Variants in SNX31 observed in about 807,000 individuals in gnomAD.
SNX31 encodes sorting nexin 31, also known as sorting nexin-31.
A neutral mutation model predicts 65.4 loss-of-function variants in SNX31; 58 were observed. The ratio of observed to expected loss-of-function variants is 0.89; its 90% CI spans 0.72 to 1.10. The LOEUF (loss-of-function observed/expected upper bound fraction) is 1.10. SNX31 is among the 50% of genes least tolerant of loss of function. The probability of loss-of-function intolerance (pLI) is 0.00; values close to 1 mark genes in which losing one functional copy is unlikely to be tolerated. For synonymous variants in SNX31, 181 were observed against 190.1 expected, an observed-to-expected ratio of 0.95 and a Z score of 0.39; for missense variants, 523 against 529.7, an observed-to-expected ratio of 0.99 and a Z score of 0.12.
At position 100,633,200 on chromosome 8, in the gene SNX31, A is replaced by T. The variant is rs138866745; in HGVS notation, c.256+2697T>A. Among the ~76,000 whole-genome samples, 999 of 151,928 alleles carry T rather than the reference A, an allele frequency of 6.6e-3. 8 individuals carry two copies. The highest frequency in any genetic ancestry group is 8.9e-3 in the Non-Finnish European group (607 of 67,944). On this transcript the variant is annotated intron_variant, in intron 3 of 13. Transcript: ENST00000311812. ...TGCCTTAACCTCCCAAAGTGCTGGA[A>T]TTGCAGGCATGAGCTACCATGCCGA...
chr8:100,590,698 C>T (rs1814491461), intron 10 of SNX31, among the ~76,000 whole-genome samples: 1 of 152,278 alleles, frequency 6.6e-6, no homozygotes, highest in South Asian at 2.1e-4. Context: ...AGGATAATCA[C>T]TTGATCCTGG....
intron 2 of SNX31, among the ~76,000 whole-genome samples, chr8:100,641,998 G>A (rs1040371540): frequency 6.6e-6 from 1 of 152,026 alleles, no homozygotes; most frequent in African/African-American, 2.4e-5. Flanking sequence ...AGAATGGCGC[G>A]AACCCGGGAG....
intron 11 of SNX31, among the ~76,000 whole-genome samples, chr8:100,587,824 T>C (rs1462744808): frequency 6.6e-6 from 1 of 152,248 alleles, no homozygotes; most frequent in Non-Finnish European, 1.5e-5. Context: ...ATCCTCAAGA[T>C]ATCTCATTAT....
In SNX31 at chr8:100,614,178, C is replaced by T. The variant is rs1268746320; in HGVS notation, c.433-1093G>A. ...GCAATTCCCTTCCCCTTCTTTCTGT[C>T]TCTCTCTTTCCCCCATGTTTTGGGC... is the stretch of plus-strand genomic sequence containing the variant. On this transcript the variant is annotated intron_variant, in intron 5 of 13. Coordinates refer to ENST00000311812, the MANE Select transcript of SNX31 (RefSeq NM_152628.4). The surrounding 1 kb of genome is among the most constrained non-coding windows in gnomAD (Gnocchi z 5.1). Among the ~76,000 whole-genome samples the T allele has an allele frequency of 6.6e-6, 1 of 152,198 alleles. No homozygotes were observed. Among genetic ancestry groups the T allele is most frequent in the African/African-American group, 2.4e-5 (1 of 41,444 alleles).
chr8:100,615,404 G>A (rs995864726), intron 5 of SNX31, among the ~76,000 whole-genome samples: 3 of 152,092 alleles, frequency 2.0e-5, no homozygotes, highest in Non-Finnish European at 2.9e-5. Context: ...CCATTGTCTC[G>A]GGAACGTGAA....
At position 100,595,315 on chromosome 8, in the gene SNX31, T is replaced by G. The variant is rs866923898; in HGVS notation, c.978+1324A>C. ...GTGCGGAGATAGAGGGAATTTGTTG[T>G]TTTTTTTTTTTTTTCAGATGGGTCT... On this transcript the variant is annotated intron_variant, in intron 10 of 13. Coordinates refer to ENST00000311812, the MANE Select transcript of SNX31 (RefSeq NM_152628.4). Among the ~76,000 whole-genome samples the G allele has an allele frequency of 5.8e-3, 732 of 126,408 alleles. 3 individuals carry two copies. The highest frequency in any genetic ancestry group is 7.2e-3 in the Non-Finnish European group (453 of 62,914). The allele number at this position is 126,408 out of a possible 152,430, so 82.9% of individuals were successfully genotyped here.
chr8:100,577,145 A>C, intron 12 of SNX31, 70 bp from the exon 13 acceptor site: 2 of 1,317,184 alleles, frequency 1.5e-6, no homozygotes, highest in Non-Finnish European at 2.2e-6. Context: ...CTATTTAACT[A>C]GCACACTTTC....
At chr8:100,659,083 T>C (rs561486988) in intron 1 of SNX31, among the ~76,000 whole-genome samples, 5 of 152,150 alleles carry the variant, frequency 3.3e-5, no homozygotes, top group Non-Finnish European at 7.4e-5. Flanking sequence ...CAGGGGCTCA[T>C]GCCTGTAATA....
intron 4 of SNX31, among the ~76,000 whole-genome samples, chr8:100,627,601 G>C (rs766378009): frequency 4.6e-5 from 7 of 152,150 alleles, no homozygotes; most frequent in Non-Finnish European, 1.0e-4. Flanking sequence ...GATTGCAGTG[G>C]CATGATCTCA....
intron 3 of SNX31, among the ~76,000 whole-genome samples, chr8:100,635,681 G>T (rs1818720129): frequency 6.6e-6 from 1 of 152,138 alleles, no homozygotes; most frequent in Non-Finnish European, 1.5e-5. Context: ...AGTTGCCAGG[G>T]CGTGGTGGGG....
chr8:100,599,313 A>G (rs1261506512), intron 9 of SNX31, among the ~76,000 whole-genome samples: 2 of 152,224 alleles, frequency 1.3e-5, no homozygotes, highest in African/African-American at 4.8e-5. Flanking sequence ...TAAGAAGTTT[A>G]TAGGGCAGAT....
chr8:100,607,429 G>A (rs1563541854), intron 8 of SNX31, among the ~76,000 whole-genome samples: 1 of 152,188 alleles, frequency 6.6e-6, no homozygotes, highest in Non-Finnish European at 1.5e-5. Context: ...GGGAACTGAG[G>A]CCAAGCTCGA....
chr8:100,598,281 G>A (rs1269550475), intron 9 of SNX31, among the ~76,000 whole-genome samples: 1 of 152,198 alleles, frequency 6.6e-6, no homozygotes, highest in Non-Finnish European at 1.5e-5. Flanking sequence ...AGAAAGGACA[G>A]GTTGTAAGTA....
chr8:100,597,037 A>C (rs80266987), intron 9 of SNX31, among the ~76,000 whole-genome samples, 195 bp from the exon 10 acceptor site: 6,564 of 152,260 alleles, frequency 0.043, 481 homozygotes, highest in African/African-American at 0.15. Flanking sequence ...GCCCGGGGGA[A>C]ATTCATGGAG....
At position 100,648,128 on chromosome 8, in the gene SNX31, G is replaced by A. The variant is rs536541045; in HGVS notation, c.141+1146C>T. On this transcript the variant is annotated intron_variant, in intron 2 of 13. Transcript: ENST00000311812. This position sits in a 1 kb window ranked among gnomAD's most constrained non-coding sequence, Gnocchi z 4.3. ...CCAATGCACTGTGATGTATGAGCAAGAAGGCTTGCTACAGTGACAATTTAA... is the reference window on the plus strand; with the variant it reads ...CCAATGCACTGTGATGTATGAGCAAAAAGGCTTGCTACAGTGACAATTTAA... Among the ~76,000 whole-genome samples the A allele has an allele frequency of 3.9e-5, 6 of 152,288 alleles. No homozygotes were observed. The highest frequency in any genetic ancestry group is 1.4e-4 in the African/African-American group (6 of 41,562).
chr8:100,591,056 A>G (rs1814525139), intron 10 of SNX31, among the ~76,000 whole-genome samples: 1 of 152,222 alleles, frequency 6.6e-6, no homozygotes, highest in Non-Finnish European at 1.5e-5. Flanking sequence ...CAGAATATCA[A>G]AGACTAGGGC....
intron 1 of SNX31, among the ~76,000 whole-genome samples, chr8:100,659,214 TGG>T (rs1314018555): frequency 2.6e-5 from 4 of 151,818 alleles, no homozygotes; most frequent in Non-Finnish European, 4.4e-5. Context: ...GGCCTGGTGG[TGG>T]GCACCTGTAA....
rs954429609 is a variant in SNX31, at chr8:100,660,821, G to T, written c.-58+2321C>A. 2.0e-5 allele frequency among the ~76,000 whole-genome samples: 3 copies of T among 152,162 alleles called. No individual in the cohort carries two copies. The highest frequency in any genetic ancestry group is 7.2e-5 in the African/African-American group (3 of 41,438). ...AAATCTGAATAATATTTGTAAAAGG[G>T]CTGCTTTGAGAGGTTCTACTCAGTA... is the stretch of plus-strand genomic sequence containing the variant. On this transcript the variant is annotated intron_variant, in intron 1 of 5. Transcript: ENST00000520352. This position sits in a 1 kb window ranked among gnomAD's most constrained non-coding sequence, Gnocchi z 4.1.
rs1319112602 is a variant in SNX31, at chr8:100,626,516, G to C, written c.321+3811C>G. Among the ~76,000 whole-genome samples the C allele has an allele frequency of 6.6e-6, 1 of 152,120 alleles. No homozygotes were observed. Among genetic ancestry groups the C allele is most frequent in the Admixed American group, 6.6e-5 (1 of 15,266 alleles). Reference sequence around the variant, plus strand: ...GACAGTCTGATTAGGCCTTAGGGTAGCATGTTCATAAGAAAGTGCTCAGAA... The same window carrying C: ...GACAGTCTGATTAGGCCTTAGGGTACCATGTTCATAAGAAAGTGCTCAGAA... On this transcript the variant is annotated intron_variant, in intron 4 of 13. Transcript: ENST00000311812. This position sits in a 1 kb window ranked among gnomAD's most constrained non-coding sequence, Gnocchi z 4.4.
Sources: gnomAD v4.1 joint callset for allele counts (sites outside exome capture counted in the v4.1 genomes callset) on GRCh38, gnomAD v4.1.1 for gene constraint, Gnocchi (gnomAD v3.1) non-coding constraint, MANE v1.5 for transcripts, NCBI Gene and HGNC (gene_info 2026-07-23, HGNC 2026-07-21) for gene names.